Variants in MAD1L1 observed in about 807,000 individuals in gnomAD.
The protein encoded by MAD1L1 is mitotic spindle assembly checkpoint protein MAD1.
Under a neutral mutation model 96.9 loss-of-function variants are expected in MAD1L1, and 95 were observed. That is an observed-to-expected ratio of 0.98 (90% CI 0.83 to 1.16). MAD1L1 has a LOEUF of 1.16. MAD1L1 is among the 50% of genes most tolerant of loss of function. MAD1L1 has a pLI of 0.00. For missense variants in MAD1L1, 1,007 were observed against 954.4 expected (o/e 1.06, Z -0.73); for synonymous variants, 473 against 396.6 (o/e 1.19, Z -2.29).
intron 18 of MAD1L1, among the ~76,000 whole-genome samples, chr7:1,824,874 G>A (rs1423523438): frequency 1.3e-5 from 2 of 152,096 alleles, no homozygotes; most frequent in African/African-American, 2.4e-5. Context: ...GGGGCGAGCC[G>A]GGGAGAAGAC....
At chr7:1,884,506 T>C (rs1041735131) in intron 18 of MAD1L1, among the ~76,000 whole-genome samples, 2 of 152,230 alleles carry the variant, frequency 1.3e-5, no homozygotes, top group African/African-American at 4.8e-5. Flanking sequence ...ATGGAGGCCC[T>C]GAGGCCGTCC....
At chr7:2,092,980 G>A (rs577856339) in intron 11 of MAD1L1, among the ~76,000 whole-genome samples, 22 of 152,064 alleles carry the variant, frequency 1.4e-4, no homozygotes, top group African/African-American at 5.3e-4. Context: ...GCTCACACCT[G>A]TAATCCCAGT....
rs564070028 is a variant in MAD1L1, at chr7:2,224,586, T to G, written c.291+824A>C. 3.0e-3 allele frequency among the ~76,000 whole-genome samples: 453 copies of G among 152,164 alleles called. 4 individuals are homozygous for G. The highest frequency in any genetic ancestry group is 5.5e-3 in the Non-Finnish European group (371 of 68,000). On this transcript the variant is annotated intron_variant, in intron 4 of 18. Coordinates refer to ENST00000265854, the MANE Select transcript of MAD1L1 (RefSeq NM_001013836.2). ...TATTTTTCTAGGGCCCAGGAGAGTG[T>G]GTGAATACACCGCATGATGTCAGGG...
chr7:1,982,558 G>C (rs913502852), intron 14 of MAD1L1, among the ~76,000 whole-genome samples: 5 of 152,074 alleles, frequency 3.3e-5, no homozygotes, highest in African/African-American at 1.2e-4. Context: ...TTAAATTTTT[G>C]TTTCCCGCCC....
intron 10 of MAD1L1, among the ~76,000 whole-genome samples, chr7:2,206,170 C>A (rs562865044): frequency 1.4e-4 from 22 of 152,130 alleles, no homozygotes; most frequent in Non-Finnish European, 2.4e-4. Flanking sequence ...TGTTAAAAGT[C>A]TTTTGACCAT....
chr7:1,981,503 C>G (rs188393371), intron 14 of MAD1L1, among the ~76,000 whole-genome samples: 14 of 152,264 alleles, frequency 9.2e-5, no homozygotes, highest in Non-Finnish European at 1.8e-4. Flanking sequence ...CCTGGGGTGT[C>G]TCATGGACAG....
intron 18 of MAD1L1, among the ~76,000 whole-genome samples, chr7:1,871,281 C>T (rs1165348046): frequency 7.1e-6 from 1 of 141,086 alleles, no homozygotes. Flanking sequence ...ACGCTGAACC[C>T]ATTGTAACAC....
chr7:2,152,582 G>A (rs570203720), intron 10 of MAD1L1, among the ~76,000 whole-genome samples: 1 of 152,302 alleles, frequency 6.6e-6, no homozygotes, highest in South Asian at 2.1e-4. Context: ...TACTTGCAGA[G>A]ACAGAGGGAA....
In MAD1L1 at chr7:1,938,905, A is replaced by G. The variant is rs1167299148; in HGVS notation, c.1597-2008T>C. ...TCCAGGGCCGGGGCCAGAGGCGCGC[A>G]CACACACACACACACACACACACAT... On this transcript the variant is annotated intron_variant, in intron 16 of 18. Transcript: ENST00000265854. 1.3e-3 allele frequency among the ~76,000 whole-genome samples: 157 copies of G among 124,478 alleles called. 3 individuals carry two copies. The highest frequency in any genetic ancestry group is 0.01 in the Middle Eastern group (2 of 196). The allele number at this position is 124,478 out of a possible 152,430, so 81.7% of individuals were successfully genotyped here. A position where few individuals can be genotyped will look rare whatever the true frequency, so the allele number is the denominator to read the frequency against.
At chr7:2,223,044 T>C (rs572107060) in intron 4 of MAD1L1, among the ~76,000 whole-genome samples, 3 of 152,300 alleles carry the variant, frequency 2.0e-5, no homozygotes, top group African/African-American at 7.2e-5. Flanking sequence ...AGCAGTTGCC[T>C]CTGCAGGGAG....
At chr7:2,200,919 G>A (rs1049461417) in intron 10 of MAD1L1, among the ~76,000 whole-genome samples, 7 of 152,140 alleles carry the variant, frequency 4.6e-5, no homozygotes, top group East Asian at 1.9e-4. Flanking sequence ...CCGAGTGACC[G>A]TGGGTTCCAG....
chr7:1,861,903 C>T (rs1435476240), intron 18 of MAD1L1, among the ~76,000 whole-genome samples: 1 of 151,770 alleles, frequency 6.6e-6, no homozygotes. Context: ...ACTGCTCCGC[C>T]TGCCCCCTGG....
At chr7:2,150,452 C>T (rs1307017135) in intron 10 of MAD1L1, among the ~76,000 whole-genome samples, 11 of 152,170 alleles carry the variant, frequency 7.2e-5, no homozygotes, top group East Asian at 1.9e-4. Context: ...CATGGGCCCC[C>T]GAAACCCTCA....
intron 18 of MAD1L1, among the ~76,000 whole-genome samples, chr7:1,837,801 G>C (rs1379726427): frequency 6.6e-6 from 1 of 152,268 alleles, no homozygotes; most frequent in Non-Finnish European, 1.5e-5. Context: ...GGAGGGGCAA[G>C]GCAGGCTGCA....
rs913891279 is a variant in MAD1L1, at chr7:2,119,069, C to G, written c.1073+30083G>C. Among the ~76,000 whole-genome samples, 1 of 152,032 alleles carries G rather than the reference C, an allele frequency of 6.6e-6. No homozygotes were observed. Among genetic ancestry groups the G allele is most frequent in the Non-Finnish European group, 1.5e-5 (1 of 67,994 alleles). ...AGACCCCTGCGCGGACAAGCAGGAG[C>G]GGCTGGGCTCGAGCTCCAGGGCTTC... On this transcript the variant is annotated intron_variant, in intron 11 of 18. Transcript: ENST00000265854. This position sits in a 1 kb window ranked among gnomAD's most constrained non-coding sequence, Gnocchi z 4.6.
chr7:1,841,652 G>A (rs977839420), intron 18 of MAD1L1, among the ~76,000 whole-genome samples: 2 of 152,238 alleles, frequency 1.3e-5, no homozygotes, highest in African/African-American at 4.8e-5. Flanking sequence ...GCTGAGGCCG[G>A]TGGGGACCCA....
At chr7:2,212,898 G>T (rs371382041) in intron 10 of MAD1L1, among the ~76,000 whole-genome samples, 1 of 152,118 alleles carries the variant, frequency 6.6e-6, no homozygotes, top group African/African-American at 2.4e-5. Flanking sequence ...TTATTTCCTC[G>T]GTATACACCA....
chr7:2,183,673 G>A (rs909769250), intron 10 of MAD1L1, among the ~76,000 whole-genome samples: 2 of 151,714 alleles, frequency 1.3e-5, no homozygotes, highest in African/African-American at 4.9e-5. Context: ...AACACCGCAT[G>A]TTCTCACTCA....
At chr7:2,097,744 C>A (rs1003347944) in intron 11 of MAD1L1, among the ~76,000 whole-genome samples, 1 of 152,216 alleles carries the variant, frequency 6.6e-6, no homozygotes, top group African/African-American at 2.4e-5. Context: ...CTGCCCGGAC[C>A]AGCAGGGAGT....
Sources: gnomAD v4.1 joint callset for allele counts (sites outside exome capture counted in the v4.1 genomes callset) on GRCh38, gnomAD v4.1.1 for gene constraint, Gnocchi (gnomAD v3.1) non-coding constraint, MANE v1.5 for transcripts, NCBI Gene and HGNC (gene_info 2026-07-23, HGNC 2026-07-21) for gene names.